NTN1: variants seen among roughly 807,000 people sequenced by gnomAD.
NTN1 encodes netrin 1, also known as netrin-1.
In NTN1, 11 loss-of-function variants were observed where a neutral mutation model predicts 54.2. That is an observed-to-expected ratio of 0.20 (90% CI 0.13 to 0.34). NTN1 has a LOEUF of 0.34. Ranked by LOEUF, NTN1 falls within the 10% of genes least tolerant of loss-of-function variation. NTN1 has a pLI of 1.00. For missense variants in NTN1, 740 were observed against 893.1 expected, an observed-to-expected ratio of 0.83 and a Z score of 2.18; for synonymous variants, 371 against 382.0, an observed-to-expected ratio of 0.97 and a Z score of 0.33.
intron 5 of NTN1, among the ~76,000 whole-genome samples, chr17:9,205,353 T>C (rs761996228): frequency 4.6e-5 from 7 of 152,190 alleles, no homozygotes; most frequent in Non-Finnish European, 1.0e-4. Flanking sequence ...GGCAGCCAGG[T>C]GCAGTGGCTC....
At chr17:9,178,352 C>G (rs1007028901) in intron 3 of NTN1, among the ~76,000 whole-genome samples, 1 of 152,368 alleles carries the variant, frequency 6.6e-6, no homozygotes, top group African/African-American at 2.4e-5. Flanking sequence ...GGGGCACCCC[C>G]AGCCCTGGGA....
intron 5 of NTN1, among the ~76,000 whole-genome samples, chr17:9,203,053 C>A (rs1904852058): frequency 6.6e-6 from 1 of 152,184 alleles, no homozygotes; most frequent in Admixed American, 6.5e-5. Flanking sequence ...TCCCGAGTAG[C>A]TGGGACTACA....
intron 5 of NTN1, among the ~76,000 whole-genome samples, chr17:9,200,964 G>C (rs1169292190): frequency 6.6e-6 from 1 of 152,170 alleles, no homozygotes; most frequent in African/African-American, 2.4e-5. Flanking sequence ...AGTGAATGAA[G>C]CCTCAAGTCC....
At chr17:9,142,838 G>A (rs950575261) in intron 2 of NTN1, among the ~76,000 whole-genome samples, 4 of 152,090 alleles carry the variant, frequency 2.6e-5, no homozygotes, top group African/African-American at 9.7e-5. Context: ...AACAAAATCA[G>A]TATGTAAAGT....
chr17:9,193,119 C>T (rs1433786764), intron 5 of NTN1, among the ~76,000 whole-genome samples: 1 of 151,304 alleles, frequency 6.6e-6, no homozygotes, highest in East Asian at 1.9e-4. Context: ...AAGCCGTTTC[C>T]TCAAGTCAGC....
intron 2 of NTN1, among the ~76,000 whole-genome samples, chr17:9,027,144 A>C (rs1004779799): frequency 1.3e-5 from 2 of 152,124 alleles, no homozygotes; most frequent in African/African-American, 4.8e-5. Context: ...TGCCCCACTA[A>C]AGATTCTTGC....
At chr17:9,182,763 C>G (rs1184317808) in intron 4 of NTN1, among the ~76,000 whole-genome samples, 153 bp from the exon 5 acceptor site, 1 of 152,192 alleles carries the variant, frequency 6.6e-6, no homozygotes, top group Non-Finnish European at 1.5e-5. Context: ...GCTCTTCTGA[C>G]TTTTCTCCTC....
At chr17:9,037,466 A>G (rs1167973093) in intron 2 of NTN1, among the ~76,000 whole-genome samples, 1 of 152,186 alleles carries the variant, frequency 6.6e-6, no homozygotes, top group African/African-American at 2.4e-5. Context: ...AGTTATGGAA[A>G]TGCCCCTATC....
intron 5 of NTN1, among the ~76,000 whole-genome samples, chr17:9,218,462 G>C (rs1424304941): frequency 3.9e-5 from 6 of 152,222 alleles, no homozygotes; most frequent in Non-Finnish European, 8.8e-5. Flanking sequence ...TTGTCAAGCA[G>C]GGCCTGTGAG....
At chr17:9,018,619 A>G (rs903772215), upstream of NTN1, among the ~76,000 whole-genome samples, 2 of 101,514 alleles carry the variant, frequency 2.0e-5, no homozygotes, top group South Asian at 3.9e-4. Flanking sequence ...GCAAGACTCC[A>G]TCTTAAAAAA....
At chr17:9,071,406 G>A (rs2092031562) in intron 2 of NTN1, among the ~76,000 whole-genome samples, 1 of 151,778 alleles carries the variant, frequency 6.6e-6, no homozygotes, top group Non-Finnish European at 1.5e-5. Context: ...CACATTCTCA[G>A]TAATTAGACT....
intron 5 of NTN1, among the ~76,000 whole-genome samples, chr17:9,189,816 G>A (rs1319717786): frequency 6.6e-6 from 1 of 152,250 alleles, no homozygotes; most frequent in African/African-American, 2.4e-5. Context: ...ACAGGTGCCA[G>A]TTAAAGGGGT....
chr17:9,138,019 C>G (rs2092286482), intron 2 of NTN1, among the ~76,000 whole-genome samples: 1 of 152,154 alleles, frequency 6.6e-6, no homozygotes, highest in Non-Finnish European at 1.5e-5. Context: ...TGTGCTCCAC[C>G]TCCCTCCCCA....
At chr17:9,207,103 T>C (rs926768961) in intron 5 of NTN1, among the ~76,000 whole-genome samples, 8 of 152,260 alleles carry the variant, frequency 5.3e-5, no homozygotes, top group Non-Finnish European at 8.8e-5. Context: ...TCAACAAATA[T>C]TTATTGAGGG....
intron 2 of NTN1, among the ~76,000 whole-genome samples, chr17:9,058,485 A>G (rs1332226404): frequency 2.0e-5 from 3 of 151,834 alleles, no homozygotes; most frequent in East Asian, 1.9e-4. Flanking sequence ...GTGGCCCCAC[A>G]TGGCCAAGTC....
chr17:9,225,399 G>C (rs1471975499), intron 6 of NTN1, among the ~76,000 whole-genome samples: 1 of 152,194 alleles, frequency 6.6e-6, no homozygotes, highest in Non-Finnish European at 1.5e-5. Flanking sequence ...CTGCGGGGTG[G>C]GGTGGCAGGG....
intron 2 of NTN1, among the ~76,000 whole-genome samples, chr17:9,077,284 A>C (rs1025498794): frequency 2.6e-5 from 4 of 152,206 alleles, no homozygotes; most frequent in Admixed American, 1.3e-4. Flanking sequence ...GAAGAGGAAC[A>C]GGGTTTGGGG....
At chr17:9,077,259 G>A (rs970488775) in intron 2 of NTN1, among the ~76,000 whole-genome samples, 53 of 152,342 alleles carry the variant, frequency 3.5e-4, no homozygotes, top group African/African-American at 1.2e-3. Context: ...AAGTAGTGAT[G>A]TAGATTTTGG....
chr17:9,147,137 G>T (rs933917654), intron 2 of NTN1, among the ~76,000 whole-genome samples: 4 of 152,164 alleles, frequency 2.6e-5, no homozygotes, highest in African/African-American at 9.7e-5. Flanking sequence ...GGACAATTTG[G>T]ATTCTTCCCG....
Sources: allele counts gnomAD v4.1 joint callset (sites outside exome capture counted in the v4.1 genomes callset), GRCh38; gene constraint gnomAD v4.1.1; transcripts MANE v1.5; gene names NCBI Gene and HGNC (gene_info 2026-07-23, HGNC 2026-07-21).